NXPE3: variants seen among roughly 807,000 people sequenced by gnomAD.
The protein encoded by NXPE3 is neurexophilin and PC-esterase domain family member 3, also known as NXPE family member 3.
A neutral mutation model predicts 46.1 loss-of-function variants in NXPE3; 26 were observed. The observed-to-expected ratio is 0.56, with a 90% CI of 0.41 to 0.78. NXPE3 has a LOEUF of 0.78. Among genes scored for constraint, NXPE3 ranks in the 30% least tolerant of loss-of-function variants. The probability of loss-of-function intolerance (pLI) is 0.00; values close to 1 mark genes in which losing one functional copy is unlikely to be tolerated. For synonymous variants in NXPE3, 272 were observed against 257.9 expected, an observed-to-expected ratio of 1.05 and a Z score of -0.52; for missense variants, 620 against 686.0, an observed-to-expected ratio of 0.90 and a Z score of 1.07.
intron 7 of NXPE3, among the ~76,000 whole-genome samples, chr3:101,819,430 T>G (rs544460663): frequency 1.4e-3 from 212 of 152,328 alleles, no homozygotes; most frequent in African/African-American, 4.8e-3. Context: ...ATTTTTAATT[T>G]GCGATGCTAT....
intron 4 of NXPE3, among the ~76,000 whole-genome samples, chr3:101,790,742 G>A (rs967218666): frequency 2.6e-5 from 4 of 151,902 alleles, no homozygotes; most frequent in Non-Finnish European, 4.4e-5. Flanking sequence ...ACAGGTGTGC[G>A]CCACCACGTC....
At position 101,785,420 on chromosome 3, in the gene NXPE3, T is replaced by C; in HGVS notation, c.-177T>C. 1.7e-6 allele frequency: 1 copy of C among 580,800 alleles called. No homozygotes were observed. Among genetic ancestry groups the C allele is most frequent in the Non-Finnish European group, 3.1e-6 (1 of 320,238 alleles). The allele number at this position is 580,800 out of a possible 1,614,324, so 36.0% of individuals were successfully genotyped here. A position where few individuals can be genotyped will look rare whatever the true frequency, so the allele number is the denominator to read the frequency against. ...TTTGAAGGATTTCTTTGAAGAAAAA[T>C]GTGCTTCTTGAATCAACTGCAGTCT... On this transcript the variant is annotated 5_prime_UTR_variant, in exon 4 of 8. It removes an upstream start codon present in the reference 5' UTR. Coordinates refer to ENST00000273347, the MANE Select transcript of NXPE3 (RefSeq NM_145037.4).
intron 1 of NXPE3, among the ~76,000 whole-genome samples, chr3:101,781,201 A>G (rs1294463428): frequency 6.6e-6 from 1 of 152,218 alleles, no homozygotes; most frequent in Non-Finnish European, 1.5e-5. Flanking sequence ...GTACAGTTAC[A>G]TTTATTTGGC....
chr3:101,808,423 G>A (rs1399917581), intron 6 of NXPE3, among the ~76,000 whole-genome samples: 1 of 152,096 alleles, frequency 6.6e-6, no homozygotes. Context: ...ATCAAGCAGA[G>A]TGGATATTAG....
intron 4 of NXPE3, among the ~76,000 whole-genome samples, chr3:101,790,028 A>G (rs1940410933): frequency 6.6e-6 from 1 of 152,336 alleles, no homozygotes; most frequent in African/African-American, 2.4e-5. Context: ...ACTTTCAAAT[A>G]TTTAGATATT....
intron 7 of NXPE3, among the ~76,000 whole-genome samples, chr3:101,820,918 T>C (rs1326318962): frequency 6.6e-6 from 1 of 152,142 alleles, no homozygotes; most frequent in Non-Finnish European, 1.5e-5. Context: ...AGGTAACTAT[T>C]GGGTACTGGG....
At position 101,823,778 on chromosome 3, in the gene NXPE3, G is replaced by A. The variant is rs1942365158; in HGVS notation, c.*1824G>A. 6.6e-6 allele frequency: 1 copy of A among 151,758 alleles called. No homozygotes were observed. The highest frequency in any genetic ancestry group is 6.6e-5 in the Admixed American group (1 of 15,234). The allele number at this position is 151,758 out of a possible 1,614,324, so 9.4% of individuals were successfully genotyped here. ...GAGATCTTATCTCTAAAAAATTTTT[G>A]TTAAATAATAAAAGAATTAAGGCCA... On this transcript the variant is annotated 3_prime_UTR_variant, in exon 8 of 8. Coordinates refer to ENST00000273347, the MANE Select transcript of NXPE3 (RefSeq NM_145037.4).
At chr3:101,798,778 A>G (rs1265177831) in intron 4 of NXPE3, among the ~76,000 whole-genome samples, 1 of 151,502 alleles carries the variant, frequency 6.6e-6, no homozygotes, top group Non-Finnish European at 1.5e-5. Flanking sequence ...ACACCCAGCT[A>G]AATTTTTGTA....
intron 5 of NXPE3, among the ~76,000 whole-genome samples, chr3:101,806,721 A>G (rs1251711263): frequency 2.6e-5 from 4 of 152,224 alleles, no homozygotes; most frequent in Admixed American, 6.5e-5. Context: ...TAATGACAAA[A>G]TAGACATTCT....
At position 101,816,868 on chromosome 3, in the gene NXPE3, GC is replaced by G; in HGVS notation, c.999del (p.Arg334GlufsTer45). The G allele has an allele frequency of 6.2e-7, 1 of 1,614,038 alleles. No individual in the cohort carries two copies. Among genetic ancestry groups the G allele is most frequent in the African/African-American group, 1.3e-5 (1 of 75,010 alleles). On this transcript the variant is annotated frameshift_variant, in exon 7 of 8. Transcript: ENST00000273347. LOFTEE classifies it high-confidence loss of function. ...GGTATTATTATAAAGACCAGTGGAG[GC>G]CCAGAAAGTTTAAGATGCGTCAGTT... is the stretch of plus-strand genomic sequence containing the variant. ...SGYYYKDQWR[P>X]RKFKMRQFND... is the part of the protein sequence containing the mutation.
intron 7 of NXPE3, among the ~76,000 whole-genome samples, chr3:101,819,026 A>G (rs566296369): frequency 2.0e-5 from 3 of 151,734 alleles, no homozygotes; most frequent in African/African-American, 7.3e-5. Context: ...TGCCCTCCCA[A>G]AGTGCTGGGA....
chr3:101,807,772 C>T (rs1941490792), intron 6 of NXPE3, among the ~76,000 whole-genome samples: 1 of 151,968 alleles, frequency 6.6e-6, no homozygotes, highest in Admixed American at 6.6e-5. Context: ...AAATAAAATT[C>T]AAAATCTAGT....
intron 7 of NXPE3, 133 bp from the exon 8 acceptor site, chr3:101,821,271 C>A: frequency 3.0e-6 from 2 of 667,732 alleles, no homozygotes; most frequent in Non-Finnish European, 5.1e-6. Context: ...ATAGGTATTC[C>A]CTTTACATTT....
At chr3:101,791,305 A>G (rs1476951213) in intron 4 of NXPE3, among the ~76,000 whole-genome samples, 1 of 152,180 alleles carries the variant, frequency 6.6e-6, no homozygotes, top group Non-Finnish European at 1.5e-5. Flanking sequence ...ATAGTATTCC[A>G]TGCTGTATAT....
intron 6 of NXPE3, among the ~76,000 whole-genome samples, chr3:101,807,895 T>A (rs769577990): frequency 1.3e-5 from 2 of 152,184 alleles, no homozygotes; most frequent in Non-Finnish European, 2.9e-5. Flanking sequence ...TGGGTAAAAT[T>A]ATCATGGAAA....
intron 4 of NXPE3, among the ~76,000 whole-genome samples, chr3:101,797,908 A>G (rs2107284409): frequency 1.4e-5 from 1 of 72,154 alleles, no homozygotes; most frequent in East Asian, 3.2e-4. Flanking sequence ...TCTTTATAGC[A>G]GCATGATTTA....
intron 6 of NXPE3, among the ~76,000 whole-genome samples, chr3:101,813,410 G>T (rs1037541186): frequency 2.0e-5 from 3 of 150,940 alleles, no homozygotes; most frequent in Non-Finnish European, 3.0e-5. Flanking sequence ...CTTTCTGGAT[G>T]ATTTAGGGAA....
intron 4 of NXPE3, 43 bp from the exon 5 acceptor site, chr3:101,801,192 C>T (rs771746371): frequency 3.9e-6 from 6 of 1,556,378 alleles, no homozygotes; most frequent in Middle Eastern, 3.5e-4. Flanking sequence ...ATACAGAGAC[C>T]TATTATAGTG....
rs1939937308 is a variant in NXPE3, at chr3:101,783,255, G to T, written c.-196+475G>T. Among the ~76,000 whole-genome samples, 2 of 151,982 alleles carry T rather than the reference G, an allele frequency of 1.3e-5. 1 individual carries two copies. Among genetic ancestry groups the T allele is most frequent in the East Asian group, 3.9e-4 (2 of 5,114 alleles). On this transcript the variant is annotated intron_variant, in intron 3 of 7. Transcript: ENST00000273347. The stretch of plus-strand genomic sequence containing the variant: ...TTGTTGTATTTTTAGTAGAGACAAG[G>T]TTTCACCATGTTAGCCAGGATGGTC...
Sources: allele counts gnomAD v4.1 joint callset (sites outside exome capture counted in the v4.1 genomes callset), GRCh38; gene constraint gnomAD v4.1.1; transcripts MANE v1.5; gene names NCBI Gene and HGNC (gene_info 2026-07-23, HGNC 2026-07-21).